The following TTC28 variants were observed in gnomAD, a reference collection of about 807,000 sequenced individuals.
TTC28 encodes the protein tetratricopeptide repeat domain 28.
In TTC28, 61 loss-of-function variants were observed where a neutral mutation model predicts 198.0. The observed-to-expected ratio is 0.31, with a 90% CI of 0.25 to 0.38. The LOEUF is 0.38. TTC28 is among the 10% of genes least tolerant of loss of function. TTC28 has a pLI of 1.00. For missense variants in TTC28, 2,678 were observed against 3,164.0 expected, an observed-to-expected ratio of 0.85 and a Z score of 3.69; for synonymous variants, 1,171 against 1,297.8, an observed-to-expected ratio of 0.90 and a Z score of 2.10.
chr22:28,397,589 C>G (rs1031235605), intron 2 of TTC28, among the ~76,000 whole-genome samples: 5 of 152,140 alleles, frequency 3.3e-5, no homozygotes, highest in Non-Finnish European at 5.9e-5. Flanking sequence ...GACATCAAGA[C>G]TCTGTGATAC....
chr22:28,393,408 A>T (rs1158437685), intron 2 of TTC28, among the ~76,000 whole-genome samples: 2 of 152,176 alleles, frequency 1.3e-5, no homozygotes, highest in Non-Finnish European at 2.9e-5. Context: ...AGAGCAAAAC[A>T]GGGCCAGATG....
At chr22:28,542,457 T>G (rs2145935265) in intron 2 of TTC28, among the ~76,000 whole-genome samples, 1 of 152,298 alleles carries the variant, frequency 6.6e-6, no homozygotes, top group Admixed American at 6.5e-5. Context: ...AAAAGCTCTA[T>G]GAACCTAAAC....
Position 27,999,114 on chromosome 22 carries a change from G to A in TTC28, c.4545C>T (p.Ser1515=), listed in dbSNP as rs958508194. ...CTAGGGGCTGGCAGCCCAGCAGCTC[G>A]GACACCATGTAGGCCTCTTCCTCGG... ...PSAEEEAYMV[S]ELLGCQPLVG... is the part of the protein sequence containing the mutation. Residue 1515 remains serine (S), a synonymous_variant, in exon 16 of 23, where the codon TCC becomes TCT. Coordinates refer to ENST00000397906, the MANE Select transcript of TTC28 (RefSeq NM_001145418.2). The A allele has an allele frequency of 1.0e-5, 16 of 1,550,530 alleles. No individual in the cohort carries two copies. In the Admixed American group the frequency reaches 1.6e-4, roughly 15 times the overall value.
chr22:28,663,196 C>T (rs1283097627), intron 1 of TTC28, among the ~76,000 whole-genome samples: 9 of 148,814 alleles, frequency 6.0e-5, no homozygotes, highest in African/African-American at 1.7e-4. Flanking sequence ...TGCAGTGAGC[C>T]GAGATAGTGC....
intron 13 of TTC28, among the ~76,000 whole-genome samples, chr22:28,029,902 T>C (rs989810721): frequency 2.0e-5 from 3 of 152,224 alleles, no homozygotes; most frequent in African/African-American, 7.2e-5. Context: ...TATGTGAAGT[T>C]GCTCTGGCTT....
chr22:28,118,623 C>G (rs567602227), intron 6 of TTC28, among the ~76,000 whole-genome samples: 1 of 152,248 alleles, frequency 6.6e-6, no homozygotes, highest in East Asian at 1.9e-4. Flanking sequence ...ACCACGTAGC[C>G]TAAGTGTGTA....
At chr22:28,175,484 C>A (rs1923075556) in intron 5 of TTC28, among the ~76,000 whole-genome samples, 1 of 152,204 alleles carries the variant, frequency 6.6e-6, no homozygotes, top group South Asian at 2.1e-4. Flanking sequence ...GTAATCCCAG[C>A]AGTTTGGGAG....
chr22:28,611,697 C>T (rs1459832914), intron 2 of TTC28, among the ~76,000 whole-genome samples: 1 of 133,962 alleles, frequency 7.5e-6, no homozygotes, highest in Non-Finnish European at 1.6e-5. Flanking sequence ...TGTGATATTC[C>T]CCTTCCTGTG....
intron 12 of TTC28, among the ~76,000 whole-genome samples, chr22:28,037,238 C>G (rs941280495): frequency 1.3e-5 from 2 of 152,176 alleles, no homozygotes; most frequent in African/African-American, 2.4e-5. Flanking sequence ...AGGCCAATAT[C>G]CCTGACGACC....
chr22:28,088,594 T>C (rs572734789), intron 12 of TTC28, among the ~76,000 whole-genome samples: 80 of 151,378 alleles, frequency 5.3e-4, no homozygotes, highest in African/African-American at 1.8e-3. Flanking sequence ...ATTCAGGACA[T>C]AGGCATGGGC....
intron 13 of TTC28, among the ~76,000 whole-genome samples, chr22:28,017,851 C>A (rs1938432334): frequency 6.6e-6 from 1 of 152,158 alleles, no homozygotes; most frequent in South Asian, 2.1e-4. Context: ...AGGGCTAACA[C>A]AGTGCAGATT....
At chr22:28,432,723 C>G (rs2047451771) in intron 2 of TTC28, among the ~76,000 whole-genome samples, 1 of 152,220 alleles carries the variant, frequency 6.6e-6, no homozygotes, top group Non-Finnish European at 1.5e-5. Context: ...AACTGACAAA[C>G]TACTTACTTT....
chr22:28,067,180 G>C (rs1940788602), intron 12 of TTC28, among the ~76,000 whole-genome samples: 1 of 152,186 alleles, frequency 6.6e-6, no homozygotes, highest in Non-Finnish European at 1.5e-5. Flanking sequence ...AGTTCCATGA[G>C]ATTAAATTGC....
At chr22:27,990,287 G>A (rs1024673505) in intron 20 of TTC28, among the ~76,000 whole-genome samples, 2 of 152,190 alleles carry the variant, frequency 1.3e-5, no homozygotes, top group African/African-American at 2.4e-5. Context: ...GCGTGGGAGA[G>A]CCTCACAGGA....
At chr22:28,644,933 C>T (rs1445159475) in intron 1 of TTC28, among the ~76,000 whole-genome samples, 2 of 152,010 alleles carry the variant, frequency 1.3e-5, no homozygotes, top group Non-Finnish European at 2.9e-5. Context: ...ATCATGAGGT[C>T]AGGAGATCAA....
chr22:28,403,482 G>A (rs2046951449), intron 2 of TTC28, among the ~76,000 whole-genome samples: 1 of 152,162 alleles, frequency 6.6e-6, no homozygotes, highest in Non-Finnish European at 1.5e-5. Flanking sequence ...AGGATCTAAA[G>A]TCAAAGTTTT....
chr22:28,033,667 G>A (rs913423862), intron 12 of TTC28, among the ~76,000 whole-genome samples: 4 of 152,056 alleles, frequency 2.6e-5, no homozygotes, highest in African/African-American at 9.7e-5. Context: ...TCTTATTCTT[G>A]TTTTGATACT....
chr22:28,532,770 T>G (rs1203071108), intron 2 of TTC28, among the ~76,000 whole-genome samples: 2 of 152,148 alleles, frequency 1.3e-5, no homozygotes, highest in African/African-American at 4.8e-5. Flanking sequence ...AATCAATAAA[T>G]GTAATCCAGC....
At chr22:28,143,928 G>A (rs944372808) in intron 6 of TTC28, among the ~76,000 whole-genome samples, 12 of 152,022 alleles carry the variant, frequency 7.9e-5, no homozygotes, top group Admixed American at 3.3e-4. Context: ...ATTTTTTTAC[G>A]AAGAGAAACT....
Sources: allele counts gnomAD v4.1 joint callset (sites outside exome capture counted in the v4.1 genomes callset), GRCh38; gene constraint gnomAD v4.1.1; transcripts MANE v1.5; gene names NCBI Gene and HGNC (gene_info 2026-07-23, HGNC 2026-07-21).